Variants in FAAH2 observed in about 807,000 individuals in gnomAD.
FAAH2 encodes the protein fatty acid amide hydrolase 2.
A neutral mutation model predicts 36.9 loss-of-function variants in FAAH2; 60 were observed. The observed-to-expected ratio is 1.63, with a 90% CI of 1.32 to 2.02. The LOEUF is 2.02. FAAH2 is among the 30% of genes most tolerant of loss of function. The pLI is 0.00. For missense variants in FAAH2, 689 were observed against 397.5 expected (o/e 1.73, Z -6.23); for synonymous variants, 214 against 143.8 (o/e 1.49, Z -3.49).
the FAAH2 span, among the ~76,000 whole-genome samples, chrX:57,122,292 T>C: frequency 1.8e-5 from 2 of 111,840 alleles, no homozygotes; most frequent in African/African-American, 6.5e-5. Context: ...AAATTAGATG[T>C]TTTCTAATCG....
chrX:57,322,678 T>C (rs1390818627), intron 3 of FAAH2, among the ~76,000 whole-genome samples: 1 of 111,266 alleles, frequency 9.0e-6, no homozygotes, highest in East Asian at 2.8e-4. Flanking sequence ...CCATAATTCA[T>C]GGAAGTTTTG....
At chrX:57,324,378 A>G (rs2053142492) in intron 3 of FAAH2, among the ~76,000 whole-genome samples, 1 of 112,138 alleles carries the variant, frequency 8.9e-6, no homozygotes, top group African/African-American at 3.2e-5. Context: ...TCTGTGAAGA[A>G]AGTCTTTGGT....
chrX:57,402,588 A>G (rs1479663231), intron 7 of FAAH2, among the ~76,000 whole-genome samples: 2 of 111,914 alleles, frequency 1.8e-5, no homozygotes, highest in African/African-American at 6.5e-5. Flanking sequence ...CTTATCCTTT[A>G]AGATTAGTTA....
intron 5 of FAAH2, among the ~76,000 whole-genome samples, chrX:57,377,550 C>T (rs756159912): frequency 2.7e-5 from 3 of 112,005 alleles, no homozygotes; most frequent in Non-Finnish European, 5.6e-5. Flanking sequence ...TTACTGTAGC[C>T]TTGTAATATT....
rs371854200 is a variant in FAAH2 at position 57,423,139 on chromosome X, T to C, written c.997-8779T>C. Among the ~76,000 whole-genome samples the C allele has an allele frequency of 2.2e-4, 25 of 112,251 alleles. 1 individual carries two copies. In the East Asian group the frequency reaches 3.4e-3, roughly 15 times the overall value. On this transcript the variant is annotated intron_variant, in intron 7 of 10. Transcript: ENST00000374900. ...AGGAGTGGCATTGGGAAGTGCTTTG[T>C]GTGCACTTCTATACTCTACCACTAA...
intron 7 of FAAH2, among the ~76,000 whole-genome samples, chrX:57,424,300 C>T: frequency 8.9e-6 from 1 of 112,019 alleles, no homozygotes; most frequent in Non-Finnish European, 1.9e-5. Context: ...AGAACCCAGG[C>T]CACTGGGCAT....
At chrX:57,482,600 C>A (rs768665465) in intron 10 of FAAH2, among the ~76,000 whole-genome samples, 1 of 109,618 alleles carries the variant, frequency 9.1e-6, no homozygotes, top group East Asian at 2.9e-4. Flanking sequence ...ACGAGATGAA[C>A]TGGGTACCTC....
chrX:57,442,395 G>C (rs1370246182), intron 8 of FAAH2, among the ~76,000 whole-genome samples: 1 of 111,263 alleles, frequency 9.0e-6, no homozygotes, highest in Non-Finnish European at 1.9e-5. Flanking sequence ...ATCTTTGTTG[G>C]TTTAAAGTCT....
chrX:57,216,512 A>G, the FAAH2 span, among the ~76,000 whole-genome samples: 1 of 82,002 alleles, frequency 1.2e-5, no homozygotes, highest in Admixed American at 1.4e-4. Context: ...GTATATATAT[A>G]TATATACGTA....
At chrX:57,218,773 G>A in the FAAH2 span, among the ~76,000 whole-genome samples, 1 of 111,859 alleles carries the variant, frequency 8.9e-6, no homozygotes, top group Non-Finnish European at 1.9e-5. Context: ...CCACAGGATT[G>A]GTACCAGTTC....
chrX:57,366,299 C>T (rs556325861), intron 5 of FAAH2, among the ~76,000 whole-genome samples: 1 of 111,864 alleles, frequency 8.9e-6, no homozygotes, highest in Non-Finnish European at 1.9e-5. Flanking sequence ...TTTTCAGATG[C>T]TTTCAGGGGC....
At chrX:57,343,956 T>C (rs756872942) in intron 5 of FAAH2, among the ~76,000 whole-genome samples, 30 of 111,141 alleles carry the variant, frequency 2.7e-4, no homozygotes, top group Non-Finnish European at 5.5e-4. Context: ...TCCATTCTGT[T>C]CCATTGGTCT....
At chrX:57,221,437 A>T in the FAAH2 span, among the ~76,000 whole-genome samples, 1 of 110,972 alleles carries the variant, frequency 9.0e-6, no homozygotes, top group Non-Finnish European at 1.9e-5. Flanking sequence ...TAAATAGCCC[A>T]CCCAGTTCCT....
chrX:57,339,957 G>A (rs1435141263), intron 4 of FAAH2, among the ~76,000 whole-genome samples: 4 of 111,376 alleles, frequency 3.6e-5, no homozygotes, highest in Non-Finnish European at 7.5e-5. Context: ...ATACATGAAG[G>A]GGAGTTTATT....
chrX:57,310,563 T>C (rs2052664422), intron 2 of FAAH2, 30 bp from the exon 3 acceptor site: 1 of 1,179,168 alleles, frequency 8.5e-7, no homozygotes. Flanking sequence ...CTTGTTTAGT[T>C]AAAGTTTGCA....
chrX:57,373,556 C>T (rs899754217), intron 5 of FAAH2, among the ~76,000 whole-genome samples: 1 of 110,364 alleles, frequency 9.1e-6, no homozygotes, highest in African/African-American at 3.3e-5. Flanking sequence ...ATGTCCTTAC[C>T]CCATTTTTGA....
chrX:57,257,603 G>T, the FAAH2 span, among the ~76,000 whole-genome samples: 3 of 110,465 alleles, frequency 2.7e-5, no homozygotes, highest in Non-Finnish European at 5.7e-5. Context: ...GTGACGGGTT[G>T]ATGGGTGCAG....
chrX:57,332,254 C>T lies in FAAH2; in HGVS notation c.622+447C>T, dbSNP rs140155792. Among the ~76,000 whole-genome samples, 183 of 112,056 alleles carry T rather than the reference C, an allele frequency of 1.6e-3. 2 individuals carry two copies. The highest frequency in any genetic ancestry group is 5.4e-3 in the African/African-American group (166 of 30,894). On this transcript the variant is annotated intron_variant, in intron 4 of 10. Transcript: ENST00000374900. Reference sequence around the variant, plus strand: ...ACCTTGGTCACATGAAGTAGGTGCTCATTAAGTCAGTTTTCTTTGCTTGTA... The same window carrying T: ...ACCTTGGTCACATGAAGTAGGTGCTTATTAAGTCAGTTTTCTTTGCTTGTA...
intron 7 of FAAH2, chrX:57,394,612 C>T: frequency 6.1e-6 from 7 of 1,138,838 alleles, no homozygotes; most frequent in South Asian, 1.8e-5. Context: ...TTGCAACCGT[C>T]ATGAGCCCTA....
Sources: allele counts gnomAD v4.1 joint callset (sites outside exome capture counted in the v4.1 genomes callset), GRCh38; gene constraint gnomAD v4.1.1; transcripts MANE v1.5; gene names NCBI Gene and HGNC (gene_info 2026-07-23, HGNC 2026-07-21).